The following SSUH2 variants were observed in gnomAD, a reference collection of about 807,000 sequenced individuals.
The protein encoded by SSUH2 is protein SSUH2 homolog.
Under a neutral mutation model 55.3 loss-of-function variants are expected in SSUH2, and 47 were observed. The ratio of observed to expected loss-of-function variants is 0.85; its 90% CI spans 0.67 to 1.08. SSUH2 has a LOEUF of 1.08. Among genes scored for constraint, SSUH2 ranks in the 50% least tolerant of loss-of-function variants. The probability of loss-of-function intolerance (pLI) is 0.00; values close to 1 mark genes in which losing one functional copy is unlikely to be tolerated. For synonymous variants in SSUH2, 212 were observed against 191.5 expected (o/e 1.11, Z -0.89); for missense variants, 535 against 490.7 (o/e 1.09, Z -0.85).
At chr3:8,636,237 A>T (rs1041186029) in intron 1 of SSUH2, among the ~76,000 whole-genome samples, 6 of 152,226 alleles carry the variant, frequency 3.9e-5, no homozygotes. Flanking sequence ...AAGCATTAAA[A>T]GACTGCAGCT....
chr3:8,623,972 C>T (rs961637571), intron 10 of SSUH2, among the ~76,000 whole-genome samples: 2 of 151,930 alleles, frequency 1.3e-5, no homozygotes, highest in African/African-American at 2.4e-5. Context: ...GGTCTGTACA[C>T]GTGTAGCGGG....
chr3:8,660,439 G>A (rs1409152428), intron 6 of SSUH2, among the ~76,000 whole-genome samples: 5 of 152,096 alleles, frequency 3.3e-5, no homozygotes, highest in African/African-American at 4.8e-5. Context: ...GGGTTAAGAA[G>A]AAAAGAACAA....
upstream of SSUH2, among the ~76,000 whole-genome samples, chr3:8,649,194 T>G (rs1702098141): frequency 6.6e-6 from 1 of 152,018 alleles, no homozygotes; most frequent in South Asian, 2.1e-4. Context: ...CACACAAAGG[T>G]CCTCCTCCTC....
At chr3:8,626,473 C>T (rs1160146493) in intron 8 of SSUH2, 152 bp from the exon 9 acceptor site, 11 of 619,944 alleles carry the variant, frequency 1.8e-5, no homozygotes, top group Non-Finnish European at 2.6e-5. Context: ...CTTCTGCTGG[C>T]AGTGCCCCAA....
At chr3:8,675,106 C>G (rs760501516) in intron 3 of SSUH2, among the ~76,000 whole-genome samples, 2 of 152,168 alleles carry the variant, frequency 1.3e-5, no homozygotes, top group African/African-American at 4.8e-5. Flanking sequence ...CTTGCTTAAT[C>G]AAGCTACACT....
intron 6 of SSUH2, among the ~76,000 whole-genome samples, chr3:8,662,823 G>T (rs1036840058): frequency 5.3e-5 from 8 of 152,234 alleles, no homozygotes; most frequent in African/African-American, 1.9e-4. Context: ...ACAGGGATGT[G>T]ATGACACCCA....
rs768962152 is a variant in SSUH2, at chr3:8,630,829, C to T, written c.501G>A (p.Gln167=). 2 of 1,493,002 alleles carry T rather than the reference C, an allele frequency of 1.3e-6. No individual in the cohort carries two copies. Among genetic ancestry groups the T allele is most frequent in the South Asian group, 2.8e-5 (2 of 70,914 alleles). 92.5% of individuals were successfully genotyped at this position (1,493,002 alleles called of 1,614,324 possible). The change falls in exon 6 of 12, where the codon CAG becomes CAA. Residue 167 remains glutamine (Q), a synonymous_variant. Coordinates refer to ENST00000544814, the MANE Select transcript of SSUH2 (RefSeq NM_001256748.3). Reference sequence around the variant, plus strand: ...CCTTGACCAGTGACGAGTGAGGGACCTGGAACTTCCTGGTGTCTTCCTGAA... The same window carrying T: ...CCTTGACCAGTGACGAGTGAGGGACTTGGAACTTCCTGGTGTCTTCCTGAA... ...PMFQEDTRKF[Q]VPHSSLVKEC...
chr3:8,663,938 G>A, intron 5 of SSUH2: 1 of 421,156 alleles, frequency 2.4e-6, no homozygotes, highest in Non-Finnish European at 4.8e-6. Context: ...TATTTTCCTT[G>A]GTTAGACAGT....
Position 8,627,687 on chromosome 3 carries a change from G to A in SSUH2, c.674+11C>T, listed in dbSNP as rs531444231. 1.2e-3 allele frequency: 1,946 copies of A among 1,563,326 alleles called. 19 individuals carry two copies. The African/African-American group carries it at 0.023, about 18-fold the overall frequency. On this transcript the variant is annotated intron_variant, in intron 8 of 11. Transcript: ENST00000544814. ...GAGCACTTCACCGCGGTGCTGGGGA[G>A]ATGCCCCTACCTTCGCCTGCCGGAC...
In SSUH2 at chr3:8,625,598, T is replaced by TA; in HGVS notation, c.816_817insT (p.Arg273Ter). The TA allele has an allele frequency of 6.2e-7, 1 of 1,614,008 alleles. No individual in the cohort carries two copies. The highest frequency in any genetic ancestry group is 8.5e-7 in the Non-Finnish European group (1 of 1,179,932). On this transcript the variant is annotated frameshift_variant, in exon 10 of 12. Coordinates refer to ENST00000544814, the MANE Select transcript of SSUH2 (RefSeq NM_001256748.3). LOFTEE classifies it high-confidence loss of function. ...CCTTTGGCTTTAGCAAGGAGCTCCC[T>TA]GGGGCAGTTGAGCCGGTGCTCAGAC...
At chr3:8,681,447 C>T (rs1705939910) in intron 1 of SSUH2, among the ~76,000 whole-genome samples, 1 of 150,476 alleles carries the variant, frequency 6.6e-6, no homozygotes. Flanking sequence ...AGCCCCTCTT[C>T]CCCCACTGGC....
chr3:8,633,802 G>A lies in SSUH2; in HGVS notation c.210-7C>T, dbSNP rs1487572677. The stretch of plus-strand genomic sequence containing the variant: ...CTCCGTCATCGCAGGGACTCTGCAG[G>A]GGACCGAACAGAGAGGCGGGGGCTT... On this transcript the variant is annotated splice_polypyrimidine_tract_variant and splice_region_variant and intron_variant, in intron 3 of 11. Coordinates refer to ENST00000544814, the MANE Select transcript of SSUH2 (RefSeq NM_001256748.3). The A allele has an allele frequency of 3.1e-6, 5 of 1,613,634 alleles. No homozygotes were observed. The highest frequency in any genetic ancestry group is 3.4e-6 in the Non-Finnish European group (4 of 1,179,978).
At chr3:8,620,205 G>A (rs1696129397) in intron 11 of SSUH2, among the ~76,000 whole-genome samples, 191 bp from the exon 12 acceptor site, 1 of 152,166 alleles carries the variant, frequency 6.6e-6, no homozygotes, top group African/African-American at 2.4e-5. Flanking sequence ...TGTGACATAA[G>A]AGGACCTAGA....
At chr3:8,675,778 A>T (rs1360615366) in intron 3 of SSUH2, among the ~76,000 whole-genome samples, 2 of 152,150 alleles carry the variant, frequency 1.3e-5, no homozygotes, top group African/African-American at 2.4e-5. Context: ...GATCCCAACA[A>T]CAGCAAGTCT....
At chr3:8,623,280 C>G (rs1696816843) in intron 11 of SSUH2, among the ~76,000 whole-genome samples, 1 of 152,252 alleles carries the variant, frequency 6.6e-6, no homozygotes, top group African/African-American at 2.4e-5. Context: ...TCCCATGACA[C>G]CACATTCGTG....
intron 3 of SSUH2, among the ~76,000 whole-genome samples, chr3:8,634,887 T>G (rs545822555): frequency 2.0e-5 from 3 of 152,308 alleles, no homozygotes; most frequent in African/African-American, 7.2e-5. Context: ...AGCAAACTTC[T>G]GCAAAGGGCC....
chr3:8,663,104 G>A (rs973044711), intron 6 of SSUH2, among the ~76,000 whole-genome samples: 2 of 152,214 alleles, frequency 1.3e-5, no homozygotes, highest in Non-Finnish European at 2.9e-5. Flanking sequence ...GCCATGCTGA[G>A]CTGGGCTTTG....
At chr3:8,629,633 C>CTGACTCACCAGCGGTTCACAGA in intron 7 of SSUH2, 31 bp downstream of exon 7, 1 of 1,587,726 alleles carries the variant, frequency 6.3e-7, no homozygotes, top group Non-Finnish European at 8.6e-7. Context: ...CACACCCTCA[C>CTGACTCACCAGCGGTTCACAGA]TGACTCACCA....
At chr3:8,673,106 A>T (rs2124830498) in intron 3 of SSUH2, among the ~76,000 whole-genome samples, 1 of 152,126 alleles carries the variant, frequency 6.6e-6, no homozygotes, top group South Asian at 2.1e-4. Context: ...TCAGATTATT[A>T]ATATTAATAT....
Sources: gnomAD v4.1 joint callset for allele counts (sites outside exome capture counted in the v4.1 genomes callset) on GRCh38, gnomAD v4.1.1 for gene constraint, MANE v1.5 for transcripts, NCBI Gene and HGNC (gene_info 2026-07-23, HGNC 2026-07-21) for gene names.